Variants in NBPF26 observed in about 807,000 individuals in gnomAD.
NBPF26 encodes the protein NBPF family member NBPF26.
Under a neutral mutation model 119.6 loss-of-function variants are expected in NBPF26, and 79 were observed. That is an observed-to-expected ratio of 0.66 (90% confidence interval 0.55 to 0.80). NBPF26 has a LOEUF of 0.80. Ranked by LOEUF, NBPF26 falls within the 30% of genes least tolerant of loss-of-function variation. The probability of loss-of-function intolerance (pLI) is 0.00; values close to 1 mark genes in which losing one functional copy is unlikely to be tolerated. For missense variants in NBPF26, 800 were observed against 1,198.2 expected (o/e 0.67, Z 4.91); for synonymous variants, 299 against 457.7 (o/e 0.65, Z 4.43).
At chr1:120,756,602 A>C (rs1651082995) in intron 1 of NBPF26, among the ~76,000 whole-genome samples, 1 of 117,968 alleles carries the variant, frequency 8.5e-6, no homozygotes, top group Admixed American at 8.0e-5. Flanking sequence ...ATGTTAATGC[A>C]ACAAGTAAAA....
rs1470406221 is a variant in NBPF26 at position 120,728,950 on chromosome 1, C to G, written c.73+4700C>G. ...CCACATGATTTTGATCCTTGAGGGC[C>G]AGGTCTGTGCTACACACATTTCTTC... On this transcript the variant is annotated intron_variant, in intron 1 of 29. Transcript: ENST00000620612. Among the ~76,000 whole-genome samples, 4 of 113,358 alleles carry G rather than the reference C, an allele frequency of 3.5e-5. 1 individual carries two copies. The highest frequency in any genetic ancestry group is 6.7e-5 in the Non-Finnish European group (4 of 60,066). 74.4% of individuals were successfully genotyped at this position (113,358 alleles called of 152,430 possible).
chr1:120,813,730 AAGTC>A (rs1426609598), intron 10 of NBPF26, among the ~76,000 whole-genome samples, 157 bp from the exon 11 acceptor site: 1 of 128,842 alleles, frequency 7.8e-6, no homozygotes, highest in Non-Finnish European at 1.6e-5. Flanking sequence ...AGATGCCAGA[AAGTC>A]AGGAGACTGA....
rs1313512721 is a variant in NBPF26 at position 120,784,103 on chromosome 1, A to G, written c.156-871A>G. Among the ~76,000 whole-genome samples the G allele has an allele frequency of 9.3e-5, 11 of 118,080 alleles. 2 individuals carry two copies. In the Middle Eastern group the frequency reaches 0.012, roughly 125 times the overall value. 77.5% of individuals were successfully genotyped at this position (118,080 alleles called of 152,430 possible). Reference sequence around the variant, plus strand: ...GTGAAACAATAATTTGGAAAGGTAAATGGGACCTCATGAAAGTGTGGGTTA... The same window carrying G: ...GTGAAACAATAATTTGGAAAGGTAAGTGGGACCTCATGAAAGTGTGGGTTA... On this transcript the variant is annotated intron_variant, in intron 2 of 29. Coordinates refer to ENST00000620612, the Ensembl canonical transcript of NBPF26.
chr1:120,789,487 G>C, intron 3 of NBPF26, among the ~76,000 whole-genome samples: 1 of 114,318 alleles, frequency 8.7e-6, no homozygotes. Context: ...AGAAAATTAG[G>C]AAGAAGCAAA....
At chr1:120,808,148 C>T (rs1192771022) in intron 6 of NBPF26, among the ~76,000 whole-genome samples, 2 of 118,820 alleles carry the variant, frequency 1.7e-5, no homozygotes, top group South Asian at 2.6e-4. Context: ...TTTCAATTCG[C>T]CCCATCTGCA....
At chr1:120,812,965 A>T (rs1341737675) in intron 10 of NBPF26, among the ~76,000 whole-genome samples, 12 of 118,798 alleles carry the variant, frequency 1.0e-4, no homozygotes, top group Non-Finnish European at 1.8e-4. Context: ...AATAAATAAA[A>T]ATAAGAATAA....
At chr1:120,806,029 G>A (rs1439343922) in intron 5 of NBPF26, among the ~76,000 whole-genome samples, 1 of 107,822 alleles carries the variant, frequency 9.3e-6, no homozygotes, top group Admixed American at 9.1e-5. Flanking sequence ...AGAATGACCT[G>A]TTTTCTCCAA....
At position 120,805,671 on chromosome 1, in the gene NBPF26, G is replaced by A. The variant is rs1651665037; in HGVS notation, c.867G>A (p.Gln289=). ...AAATCAACGAGACATTGCGCCCCCA[G>A]CTGCCAGAGAACAAACAGCAGTTGA... The change falls in exon 5 of 30, where the codon CAG becomes CAA. Residue 289 remains glutamine (Q), a synonymous_variant. Coordinates refer to ENST00000620612, the Ensembl canonical transcript of NBPF26. The A allele has an allele frequency of 8.2e-6, 12 of 1,458,520 alleles. 1 individual carries two copies. The East Asian group carries it at 2.7e-4, about 33-fold the overall frequency. The allele number at this position is 1,458,520 out of a possible 1,614,324, so 90.3% of individuals were successfully genotyped here.
rs1387329343 is a variant in NBPF26 at position 120,793,528 on chromosome 1, G to A, written c.751+32G>A. 70 of 1,131,446 alleles carry A rather than the reference G, an allele frequency of 6.2e-5. 13 individuals carry two copies. The highest frequency in any genetic ancestry group is 5.8e-5 in the Non-Finnish European group (47 of 805,184). The allele number at this position is 1,131,446 out of a possible 1,614,324, so 70.1% of individuals were successfully genotyped here. On this transcript the variant is annotated intron_variant, in intron 4 of 29. Transcript: ENST00000620612. Reference sequence around the variant, plus strand: ...AGCTCCCTAGTGTCCCAGGATTAGGGGACAAACCCCTAGCACAGGAGGTAG... The same window carrying A: ...AGCTCCCTAGTGTCCCAGGATTAGGAGACAAACCCCTAGCACAGGAGGTAG...
Position 120,794,461 on chromosome 1 carries a change from G to A in NBPF26, c.751+965G>A, listed in dbSNP as rs1247418519. Among the ~76,000 whole-genome samples the A allele has an allele frequency of 6.9e-5, 8 of 115,384 alleles. 3 individuals carry two copies. The highest frequency in any genetic ancestry group is 1.2e-4 in the Non-Finnish European group (7 of 60,472). 75.7% of individuals were successfully genotyped at this position (115,384 alleles called of 152,430 possible). A position where few individuals can be genotyped will look rare whatever the true frequency, so the allele number is the denominator to read the frequency against. ...AACAAAAGAAGGAAAACTGTAGGAG[G>A]GAGTAATGTGCTAAGTAAGCAGAAT... On this transcript the variant is annotated intron_variant, in intron 4 of 29. Coordinates refer to ENST00000620612, the Ensembl canonical transcript of NBPF26.
In NBPF26 at chr1:120,763,585, G is replaced by T; in HGVS notation, c.74-43G>T. On this transcript the variant is annotated intron_variant, in intron 1 of 29. Transcript: ENST00000620612. ...CACTTCTTTGGTGTCTGAGGGTTAT[G>T]ATTAGTGACTTACTTCTAATGTGCA... 2 of 850,780 alleles carry T rather than the reference G, an allele frequency of 2.4e-6. 1 individual carries two copies. The highest frequency in any genetic ancestry group is 5.2e-5 in the East Asian group (2 of 38,200). 52.7% of individuals were successfully genotyped at this position (850,780 alleles called of 1,614,324 possible).
Position 120,794,851 on chromosome 1 carries a change from A to G in NBPF26, c.751+1355A>G, listed in dbSNP as rs1335945935. 6.8e-5 allele frequency among the ~76,000 whole-genome samples: 2 copies of G among 29,242 alleles called. 1 individual carries two copies. Among genetic ancestry groups the G allele is most frequent in the South Asian group, 1.1e-3 (2 of 1,800 alleles). The allele number at this position is 29,242 out of a possible 152,430, so 19.2% of individuals were successfully genotyped here. A position where few individuals can be genotyped will look rare whatever the true frequency, so the allele number is the denominator to read the frequency against. ...ATAATGCTATCATTCTAGATACTAA[A>G]TAAGTATTTTCTTAACATAATATTA... On this transcript the variant is annotated intron_variant, in intron 4 of 29. Transcript: ENST00000620612.
At chr1:120,790,543 T>TCTTTCTCCCTCC in intron 3 of NBPF26, among the ~76,000 whole-genome samples, 1 of 81,914 alleles carries the variant, frequency 1.2e-5, no homozygotes, top group Non-Finnish European at 2.2e-5. Context: ...TCCCTTTCTT[T>TCTTTCTCCCTCC]CTTTCTTTCT....
chr1:120,784,224 C>G (rs1651397343), intron 2 of NBPF26, among the ~76,000 whole-genome samples: 1 of 118,586 alleles, frequency 8.4e-6, no homozygotes, highest in African/African-American at 4.8e-5. Context: ...TTTATTAATA[C>G]AGTAGGTCTA....
At chr1:120,760,242 C>G (rs1651120531) in intron 1 of NBPF26, among the ~76,000 whole-genome samples, 1 of 71,344 alleles carries the variant, frequency 1.4e-5, no homozygotes, top group Non-Finnish European at 2.3e-5. Context: ...GGCTGGAGTA[C>G]AGTGGAGCAA....
In NBPF26 at chr1:120,816,973, C is replaced by T. The variant is rs1652022238; in HGVS notation, c.2371+146C>T. On this transcript the variant is annotated intron_variant, in intron 14 of 29. Coordinates refer to ENST00000620612, the Ensembl canonical transcript of NBPF26. ...ATATCAGGGAGTTTTTTGTCCTTCT[C>T]AGCTAATGTCATGACTTTGTCTGCC... 1.5e-5 allele frequency: 17 copies of T among 1,108,354 alleles called. 2 individuals carry two copies. In the South Asian group the frequency reaches 2.5e-4, roughly 17 times the overall value. 68.7% of individuals were successfully genotyped at this position (1,108,354 alleles called of 1,614,324 possible). A position where few individuals can be genotyped will look rare whatever the true frequency, so the allele number is the denominator to read the frequency against.
Position 120,802,481 on chromosome 1 carries a change from G to A in NBPF26, c.752-3075G>A, listed in dbSNP as rs1233391113. On this transcript the variant is annotated intron_variant, in intron 4 of 29. Coordinates refer to ENST00000620612, the Ensembl canonical transcript of NBPF26. ...TTGCTGGACTCCATTTGAACTTTGA[G>A]TACAACAGAGACATGAGCCCTTCGG... is the stretch of plus-strand genomic sequence containing the variant. Among the ~76,000 whole-genome samples the A allele has an allele frequency of 2.0e-3, 254 of 125,814 alleles. 75 individuals carry two copies. The highest frequency in any genetic ancestry group is 9.2e-3 in the African/African-American group (243 of 26,302). 82.5% of individuals were successfully genotyped at this position (125,814 alleles called of 152,430 possible). A position where few individuals can be genotyped will look rare whatever the true frequency, so the allele number is the denominator to read the frequency against.
intron 1 of NBPF26, among the ~76,000 whole-genome samples, chr1:120,759,261 T>A (rs1366309267): frequency 1.5e-5 from 1 of 65,568 alleles, no homozygotes; most frequent in Non-Finnish European, 2.6e-5. Context: ...CTACTACTTC[T>A]TTTTGCTTTT....
exon 1 of NBPF26, chr1:120,724,074 G>C (rs1172005215): frequency 2.3e-6 from 3 of 1,305,138 alleles, no homozygotes; most frequent in Non-Finnish European, 2.9e-6. Flanking sequence ...CAGGAGGAGG[G>C]GAGGAGAGAG....
Sources: allele counts gnomAD v4.1 joint callset (sites outside exome capture counted in the v4.1 genomes callset), GRCh38; gene constraint gnomAD v4.1.1; transcripts MANE v1.5; gene names NCBI Gene and HGNC (gene_info 2026-07-23, HGNC 2026-07-21).